Variants in RBMS3 observed in about 807,000 individuals in gnomAD.
RBMS3 encodes the protein RNA binding motif single stranded interacting protein 3.
Under a neutral mutation model 66.8 loss-of-function variants are expected in RBMS3, and 27 were observed. The observed-to-expected ratio is 0.40, with a 90% CI of 0.30 to 0.56. RBMS3 has a LOEUF of 0.56. RBMS3 is among the 20% of genes least tolerant of loss of function. The probability of loss-of-function intolerance (pLI) is 0.40; values close to 1 mark genes in which losing one functional copy is unlikely to be tolerated. For missense variants in RBMS3, 513 were observed against 549.5 expected (o/e 0.93, Z 0.66); for synonymous variants, 188 against 183.0 (o/e 1.03, Z -0.22).
intron 10 of RBMS3, among the ~76,000 whole-genome samples, chr3:29,905,512 C>T (rs1323213467): frequency 6.6e-6 from 1 of 152,056 alleles, no homozygotes; most frequent in East Asian, 1.9e-4. Context: ...ATTTCGTCCT[C>T]TGGCATAAAT....
intron 12 of RBMS3, among the ~76,000 whole-genome samples, chr3:29,966,626 A>G (rs923746050): frequency 1.3e-5 from 2 of 152,172 alleles, no homozygotes. Context: ...GTAAATAATC[A>G]TATTCTCAGC....
chr3:29,854,789 C>T (rs1474437847), intron 6 of RBMS3, among the ~76,000 whole-genome samples: 1 of 152,070 alleles, frequency 6.6e-6, no homozygotes, highest in East Asian at 1.9e-4. Context: ...CAAAGTCAAC[C>T]CTTGTTAAAC....
At chr3:29,373,762 A>G (rs914249813) in intron 1 of RBMS3, among the ~76,000 whole-genome samples, 2 of 152,224 alleles carry the variant, frequency 1.3e-5, no homozygotes, top group South Asian at 2.1e-4. Flanking sequence ...GCCTGTTTGC[A>G]GGAAATGAAA....
chr3:29,627,875 T>A (rs1048928389), intron 4 of RBMS3, among the ~76,000 whole-genome samples: 3 of 152,078 alleles, frequency 2.0e-5, no homozygotes, highest in Admixed American at 1.3e-4. Context: ...CCATTATGTA[T>A]CTTTCAGGTC....
At chr3:29,359,442 G>T (rs929086120) in intron 1 of RBMS3, among the ~76,000 whole-genome samples, 1 of 152,152 alleles carries the variant, frequency 6.6e-6, no homozygotes, top group Non-Finnish European at 1.5e-5. Context: ...GCTGGATTCG[G>T]TTTGCCAGTA....
intron 1 of RBMS3, among the ~76,000 whole-genome samples, chr3:29,349,193 C>A (rs572986294): frequency 6.6e-6 from 1 of 151,668 alleles, no homozygotes; most frequent in South Asian, 2.1e-4. Flanking sequence ...TCCCTTTGCA[C>A]CCCGTGGAGA....
chr3:29,592,836 G>T (rs1045377413), intron 4 of RBMS3, among the ~76,000 whole-genome samples: 23 of 151,874 alleles, frequency 1.5e-4, no homozygotes, highest in Admixed American at 5.9e-4. Context: ...CCATAAAAAA[G>T]GATGAGTTCA....
At chr3:29,349,700 G>A (rs1288515379) in intron 1 of RBMS3, among the ~76,000 whole-genome samples, 2 of 152,168 alleles carry the variant, frequency 1.3e-5, no homozygotes, top group African/African-American at 4.8e-5. Flanking sequence ...ATTGTATCGT[G>A]TGTCTAACAA....
intron 3 of RBMS3, among the ~76,000 whole-genome samples, chr3:29,520,873 A>G (rs896676941): frequency 2.0e-5 from 3 of 152,270 alleles, no homozygotes; most frequent in East Asian, 1.9e-4. Flanking sequence ...AGGAATCTCA[A>G]TGAAATACCT....
intron 6 of RBMS3, among the ~76,000 whole-genome samples, chr3:29,855,113 C>A (rs111349993): frequency 6.6e-6 from 1 of 152,142 alleles, no homozygotes; most frequent in Non-Finnish European, 1.5e-5. Flanking sequence ...ATCTTTTATT[C>A]ATTCAACAGA....
chr3:29,371,061 C>T (rs2038173000), intron 1 of RBMS3, among the ~76,000 whole-genome samples: 1 of 152,184 alleles, frequency 6.6e-6, no homozygotes, highest in Non-Finnish European at 1.5e-5. Flanking sequence ...TTGCTCCGTG[C>T]TCTAGCAATG....
chr3:29,320,898 C>G (rs1209174455), intron 1 of RBMS3, among the ~76,000 whole-genome samples: 1 of 151,288 alleles, frequency 6.6e-6, no homozygotes, highest in Non-Finnish European at 1.5e-5. Context: ...AAAATATGAG[C>G]CATGGCTCCA....
At chr3:29,907,043 C>A (rs1311364572) in intron 10 of RBMS3, among the ~76,000 whole-genome samples, 1 of 152,118 alleles carries the variant, frequency 6.6e-6, no homozygotes, top group Non-Finnish European at 1.5e-5. Flanking sequence ...ATCCAGGAAG[C>A]AATCAGTGAC....
At chr3:29,944,816 C>T (rs927901883) in intron 12 of RBMS3, among the ~76,000 whole-genome samples, 1 of 151,654 alleles carries the variant, frequency 6.6e-6, no homozygotes, top group Non-Finnish European at 1.5e-5. Flanking sequence ...GAAAGAAAAG[C>T]TGCCATTATT....
At chr3:29,413,279 A>G (rs2125688194) in intron 1 of RBMS3, among the ~76,000 whole-genome samples, 1 of 152,232 alleles carries the variant, frequency 6.6e-6, no homozygotes, top group Non-Finnish European at 1.5e-5. Flanking sequence ...CTGAGGCAGG[A>G]GAATCGCTTG....
At chr3:29,976,613 G>C (rs370043867) in intron 12 of RBMS3, among the ~76,000 whole-genome samples, 1 of 151,968 alleles carries the variant, frequency 6.6e-6, no homozygotes, top group Non-Finnish European at 1.5e-5. Flanking sequence ...AGGGACACTC[G>C]ACGCTCAAGG....
intron 13 of RBMS3, among the ~76,000 whole-genome samples, chr3:29,988,455 T>C (rs1490484236): frequency 6.6e-6 from 1 of 152,238 alleles, no homozygotes; most frequent in Non-Finnish European, 1.5e-5. Context: ...GTCTCTTTCA[T>C]ATTTAGAGAA....
chr3:29,917,035 A>T (rs2060654362), intron 10 of RBMS3, among the ~76,000 whole-genome samples: 1 of 151,964 alleles, frequency 6.6e-6, no homozygotes, highest in South Asian at 2.1e-4. Context: ...TATTGGAAAA[A>T]CGAAACCAGA....
intron 5 of RBMS3, among the ~76,000 whole-genome samples, chr3:29,755,707 G>A (rs1157340782): frequency 6.6e-6 from 1 of 152,184 alleles, no homozygotes; most frequent in Non-Finnish European, 1.5e-5. Context: ...CTGCTAGACA[G>A]AAGTGCCAAA....
Sources: gnomAD v4.1 joint callset for allele counts (sites outside exome capture counted in the v4.1 genomes callset) on GRCh38, gnomAD v4.1.1 for gene constraint, MANE v1.5 for transcripts, NCBI Gene and HGNC (gene_info 2026-07-23, HGNC 2026-07-21) for gene names.